The following PTGR2 variants were observed in gnomAD, a reference collection of about 807,000 sequenced individuals.
The protein encoded by PTGR2 is prostaglandin reductase 2.
PTGR2 carries 32 observed loss-of-function variants against 43.4 expected under a neutral mutation model. The observed-to-expected ratio is 0.74, with a 90% CI of 0.56 to 0.99. PTGR2 has a LOEUF of 0.99. Among genes scored for constraint, PTGR2 ranks in the 50% least tolerant of loss-of-function variants. The pLI, the probability that PTGR2 is intolerant of heterozygous loss-of-function variation, is 0.00. For synonymous variants in PTGR2, 106 were observed against 139.2 expected (o/e 0.76, Z 1.68); for missense variants, 373 against 420.0 (o/e 0.89, Z 0.98).
chr14:73,880,255 T>C (rs530253101), intron 7 of PTGR2, 79 bp downstream of exon 7: 2 of 1,525,240 alleles, frequency 1.3e-6, no homozygotes, highest in Non-Finnish European at 1.8e-6. Flanking sequence ...TCTATTGTTC[T>C]TCATAGACAC....
chr14:73,867,078 G>A (rs1232176268), intron 3 of PTGR2, among the ~76,000 whole-genome samples: 1 of 113,570 alleles, frequency 8.8e-6, no homozygotes, highest in Non-Finnish European at 1.7e-5. Flanking sequence ...GACAGAGCAA[G>A]ACTCTGTCTC....
Position 73,871,361 on chromosome 14 carries a change from TTTTTTTAA to T in PTGR2, c.157-2656_157-2649del, listed in dbSNP as rs1286229464. On this transcript the variant is annotated intron_variant, in intron 3 of 9. Transcript: ENST00000555661. ...TTCATCTTTTTTTTTTTTTTTTTTT[TTTTTTTAA>T]TTTTTGTTCTTTTTTTGTCTTTTTA... is the stretch of plus-strand genomic sequence containing the variant. Among the ~76,000 whole-genome samples, 3 of 150,060 alleles carry T rather than the reference TTTTTTTAA, an allele frequency of 2.0e-5. No homozygotes were observed. In the East Asian group the frequency reaches 5.8e-4, roughly 29 times the overall value.
intron 7 of PTGR2, among the ~76,000 whole-genome samples, chr14:73,880,465 C>T (rs1278542166): frequency 6.6e-6 from 1 of 151,514 alleles, no homozygotes; most frequent in Non-Finnish European, 1.5e-5. Context: ...ATCCCAGCTA[C>T]TTGGGAGGCT....
intron 5 of PTGR2, chr14:73,878,655 G>A: frequency 2.1e-6 from 1 of 477,634 alleles, no homozygotes; most frequent in Non-Finnish European, 4.1e-6. Context: ...TGGAGTGGAT[G>A]TTTATTTTGA....
chr14:73,874,675 A>C (rs1390055983), intron 4 of PTGR2: 1 of 442,786 alleles, frequency 2.3e-6, no homozygotes, highest in African/African-American at 2.0e-5. Flanking sequence ...CTGAGATTAC[A>C]GGTGTGAGCT....
Position 73,858,818 on chromosome 14 carries a change from G to C in PTGR2, c.-45G>C. On this transcript the variant is annotated splice_region_variant and 5_prime_UTR_variant, in exon 2 of 10. Coordinates refer to ENST00000555661, the MANE Select transcript of PTGR2 (RefSeq NM_001146154.2). ...TTTAAAAATTTTTTTATTTATAGGAGTATTTTATACAGAAATCTTGTGAAA... is the reference window on the plus strand; with the variant it reads ...TTTAAAAATTTTTTTATTTATAGGACTATTTTATACAGAAATCTTGTGAAA... 6.5e-7 allele frequency: 1 copy of C among 1,529,844 alleles called. No individual in the cohort carries two copies. The highest frequency in any genetic ancestry group is 1.2e-5 in the South Asian group (1 of 84,154). 94.8% of individuals were successfully genotyped at this position (1,529,844 alleles called of 1,614,324 possible).
intron 8 of PTGR2, among the ~76,000 whole-genome samples, chr14:73,881,825 C>G (rs2054997160): frequency 7.6e-6 from 1 of 130,792 alleles, no homozygotes; most frequent in Non-Finnish European, 1.6e-5. Flanking sequence ...ACTTTGTCAC[C>G]CAGGCTGTAG....
At chr14:73,853,476 C>T (rs553858041) in intron 1 of PTGR2, among the ~76,000 whole-genome samples, 76 of 152,254 alleles carry the variant, frequency 5.0e-4, no homozygotes, top group Non-Finnish European at 8.7e-4. Flanking sequence ...GCGCCCGCCA[C>T]CACGCCGGGC....
rs1462039866 is a variant in PTGR2, at chr14:73,860,600, T to G, written c.99T>G (p.Asn33Lys). 3.8e-6 allele frequency: 6 copies of G among 1,583,958 alleles called. 1 individual carries two copies. The South Asian group carries it at 6.8e-5, about 18-fold the overall frequency. The change falls in exon 3 of 10, where the codon AAT (asparagine) becomes AAG (lysine). Residue 33 changes from asparagine to lysine, a missense_variant. Physicochemically the swap from Asn to Lys is moderately conservative, Grantham distance 94. Coordinates refer to ENST00000555661, the MANE Select transcript of PTGR2 (RefSeq NM_001146154.2). ...FRMEEVYLPD[N>K]INEGQVQVRT... ...TGGAAGAAGTCTATTTACCAGATAA[T>G]ATTAATGAAGGACAAGTACAAGTTA...
intron 4 of PTGR2, among the ~76,000 whole-genome samples, chr14:73,875,647 G>C (rs1252824296): frequency 6.6e-6 from 1 of 150,474 alleles, no homozygotes; most frequent in Non-Finnish European, 1.5e-5. Flanking sequence ...CCCGGCCTGA[G>C]TTGATATTTA....
chr14:73,876,867 C>A, intron 4 of PTGR2, 131 bp from the exon 5 acceptor site: 1 of 604,716 alleles, frequency 1.7e-6, no homozygotes, highest in South Asian at 2.8e-5. Context: ...CAAATAAAGT[C>A]ACACTGGGGC....
At chr14:73,866,699 A>G (rs2054602870) in intron 3 of PTGR2, among the ~76,000 whole-genome samples, 1 of 152,098 alleles carries the variant, frequency 6.6e-6, no homozygotes, top group Admixed American at 6.6e-5. Context: ...TCTAGAAGAG[A>G]TTAGCTTTTG....
intron 9 of PTGR2, among the ~76,000 whole-genome samples, chr14:73,882,933 G>C (rs1223350875): frequency 2.1e-5 from 3 of 142,402 alleles, no homozygotes; most frequent in African/African-American, 7.9e-5. Flanking sequence ...CAATTCTCCT[G>C]CCTCAGTCTA....
At chr14:73,867,097 AAAAAAAAAAAAC>A (rs1297696395) in intron 3 of PTGR2, among the ~76,000 whole-genome samples, 7 of 146,442 alleles carry the variant, frequency 4.8e-5, no homozygotes, top group East Asian at 2.0e-4. Flanking sequence ...TCAAAAAAAA[AAAAAAAAAAAAC>A]AAAAAAACAA....
intron 1 of PTGR2, among the ~76,000 whole-genome samples, chr14:73,855,561 C>T (rs966168699): frequency 6.6e-6 from 1 of 151,854 alleles, no homozygotes; most frequent in Non-Finnish European, 1.5e-5. Flanking sequence ...ATTCTCCTGC[C>T]TCAGTCTCTG....
intron 5 of PTGR2, chr14:73,878,855 AT>A: frequency 2.1e-6 from 1 of 477,628 alleles, no homozygotes; most frequent in Non-Finnish European, 3.7e-6. Flanking sequence ...ATTGGGACAT[AT>A]CCCTATCATA....
At chr14:73,877,706 G>A (rs1190322797) in intron 5 of PTGR2, 1 of 151,882 alleles carries the variant, frequency 6.6e-6, no homozygotes, top group African/African-American at 2.4e-5. Flanking sequence ...AGGAGATATA[G>A]TAAATGCTAA....
intron 4 of PTGR2, among the ~76,000 whole-genome samples, chr14:73,875,820 C>CTT (rs953891690): frequency 0.31 from 29,419 of 94,304 alleles, 5,414 homozygotes; most frequent in Non-Finnish European, 0.42. Context: ...TTAAAAGTTT[C>CTT]TTTTTTTTTT....
At chr14:73,874,332 T>C in intron 4 of PTGR2, 118 bp downstream of exon 4, 2 of 798,394 alleles carry the variant, frequency 2.5e-6, no homozygotes, top group Non-Finnish European at 3.9e-6. Context: ...TTCTTTTAGC[T>C]AGCTGCCAAA....
Sources: allele counts gnomAD v4.1 joint callset (sites outside exome capture counted in the v4.1 genomes callset), GRCh38; gene constraint gnomAD v4.1.1; transcripts MANE v1.5; gene names NCBI Gene and HGNC (gene_info 2026-07-23, HGNC 2026-07-21).